The following ZNF324B variants were observed in gnomAD, a reference collection of about 807,000 sequenced individuals.
The protein encoded by ZNF324B is zinc finger protein 324B.
A neutral mutation model predicts 10.6 loss-of-function variants in ZNF324B; 7 were observed. That is an observed-to-expected ratio of 0.66 (90% CI 0.38 to 1.24). ZNF324B has a LOEUF of 1.24. ZNF324B is among the 50% of genes most tolerant of loss of function. The pLI is 0.02. For missense variants in ZNF324B, 640 were observed against 764.7 expected (o/e 0.84, Z 1.92); for synonymous variants, 316 against 321.0 (o/e 0.98, Z 0.17).
At chr19:58,435,203 G>A in the ZNF324B span, 2 of 1,604,358 alleles carry the variant, frequency 1.2e-6, no homozygotes, top group Non-Finnish European at 1.7e-6. Flanking sequence ...TCTACTCCAT[G>A]CCAAGAACCT....
At chr19:58,421,577 C>T in the ZNF324B span, among the ~76,000 whole-genome samples, 1 of 152,106 alleles carries the variant, frequency 6.6e-6, no homozygotes, top group Non-Finnish European at 1.5e-5. Flanking sequence ...GACAGCGTTT[C>T]ACCATGTTGG....
the ZNF324B span, among the ~76,000 whole-genome samples, chr19:58,422,492 A>G: frequency 1.3e-5 from 2 of 152,224 alleles, no homozygotes; most frequent in East Asian, 3.8e-4. Context: ...ACATGATCTT[A>G]TATTTAGAAA....
rs775880173 is a variant in ZNF324B, at chr19:58,453,743, G to T, written c.42G>T (p.Glu14Asp). 2.5e-6 allele frequency: 4 copies of T among 1,614,220 alleles called. No individual in the cohort carries two copies. In the Admixed American group the frequency reaches 6.7e-5, roughly 27 times the overall value. The change falls in exon 2 of 4, where the codon GAG becomes GAT. Residue 14 changes from glutamate to aspartate, a missense_variant. Glu to Asp is a conservative substitution (Grantham distance 45). Coordinates refer to ENST00000336614, the MANE Select transcript of ZNF324B (RefSeq NM_207395.3). ...EDVAVYFSQE[E>D]WGLLDTAQRA... is the part of the protein sequence containing the mutation. ...TGGCCGTGTACTTCTCCCAGGAGGA[G>T]TGGGGGCTCCTGGACACAGCGCAGA...
the ZNF324B span, chr19:58,430,029 C>A: frequency 2.0e-5 from 3 of 152,212 alleles, no homozygotes; most frequent in Non-Finnish European, 4.4e-5. Context: ...TGGGATCTCA[C>A]TTCTGTTATT....
rs893187 is a variant in ZNF324B, at chr19:58,451,651, C to A, written c.-60C>A. On this transcript the variant is annotated 5_prime_UTR_variant, in exon 1 of 4. Transcript: ENST00000336614. ...CTTGGCTGCTCGCGTCAGGCCACAC[C>A]GGTGGTCTGGGCTGTGGCGCGCGGG... 2 of 515,510 alleles carry A rather than the reference C, an allele frequency of 3.9e-6. No homozygotes were observed. The highest frequency in any genetic ancestry group is 1.4e-5 in the South Asian group (1 of 71,510). The allele number at this position is 515,510 out of a possible 1,614,324, so 31.9% of individuals were successfully genotyped here. A position where few individuals can be genotyped will look rare whatever the true frequency, so the allele number is the denominator to read the frequency against.
chr19:58,457,766 A>T lies in ZNF324B; in HGVS notation c.*1187A>T, dbSNP rs564877993. 7 of 152,146 alleles carry T rather than the reference A, an allele frequency of 4.6e-5. No individual in the cohort carries two copies. The East Asian group carries it at 1.4e-3, about 29-fold the overall frequency. 9.4% of individuals were successfully genotyped at this position (152,146 alleles called of 1,614,324 possible). ...CCTGAGACCTCACCTCCAAGAAATT[A>T]ATGGTCTTTTCAATGGAGAAAAAAA... On this transcript the variant is annotated 3_prime_UTR_variant, in exon 4 of 4. Transcript: ENST00000336614.
the ZNF324B span, chr19:58,437,855 G>C: frequency 2.1e-6 from 2 of 941,426 alleles, no homozygotes; most frequent in African/African-American, 3.5e-5. Flanking sequence ...TCAACCATCA[G>C]CTGCCCAGAA....
chr19:58,438,773 AT>A, the ZNF324B span, among the ~76,000 whole-genome samples: 474 of 106,206 alleles, frequency 4.5e-3, 1 homozygote, highest in Middle Eastern at 0.029. Context: ...ACGCCCGGCA[AT>A]TTTTTTTTTT....
At chr19:58,419,552 G>A in the ZNF324B span, among the ~76,000 whole-genome samples, 3 of 152,304 alleles carry the variant, frequency 2.0e-5, no homozygotes, top group South Asian at 2.1e-4. Flanking sequence ...CCTGTTATTT[G>A]TGTCAAGGTC....
chr19:58,453,929 G>T, intron 2 of ZNF324B, 107 bp downstream of exon 2: 1 of 1,483,178 alleles, frequency 6.7e-7, no homozygotes. Context: ...AGGGCCACGT[G>T]GAACAAGGGT....
chr19:58,434,866 G>A, the ZNF324B span: 2 of 1,614,216 alleles, frequency 1.2e-6, no homozygotes, highest in Non-Finnish European at 1.7e-6. Context: ...TTCCCTGCAA[G>A]TGAAGGGGTT....
rs771902558 is a variant in ZNF324B at position 58,454,531 on chromosome 19, A to C, written c.238+187A>C. 17 of 595,078 alleles carry C rather than the reference A, an allele frequency of 2.9e-5. No homozygotes were observed. In the South Asian group the frequency reaches 3.3e-4, roughly 12 times the overall value. The allele number at this position is 595,078 out of a possible 1,614,324, so 36.9% of individuals were successfully genotyped here. ...CCCTTGAAGGGAGAGCTCCAAGGGC[A>C]CAGGAGCTGGGTTCACACAGAAGGG... On this transcript the variant is annotated intron_variant, in intron 3 of 3. Coordinates refer to ENST00000336614, the MANE Select transcript of ZNF324B (RefSeq NM_207395.3).
At chr19:58,429,805 G>A in the ZNF324B span, 1 of 152,216 alleles carries the variant, frequency 6.6e-6, no homozygotes, top group African/African-American at 2.4e-5. Flanking sequence ...AATGGAAAAG[G>A]GAGTATAGTC....
chr19:58,442,278 C>G, the ZNF324B span: 1 of 149,620 alleles, frequency 6.7e-6, no homozygotes, highest in Non-Finnish European at 1.5e-5. Flanking sequence ...ACGCCATTCT[C>G]CTGCCTCAGC....
chr19:58,435,016 G>A, the ZNF324B span: 11 of 1,614,060 alleles, frequency 6.8e-6, no homozygotes, highest in Non-Finnish European at 9.3e-6. Flanking sequence ...TGCTCCACAT[G>A]TGTAGGGTTT....
the ZNF324B span, among the ~76,000 whole-genome samples, chr19:58,420,234 T>C: frequency 7.2e-5 from 11 of 151,958 alleles, no homozygotes; most frequent in Admixed American, 5.2e-4. Context: ...CTGGCTAACA[T>C]GGTGAAACCC....
chr19:58,432,767 CCATT>C, the ZNF324B span: 2 of 165,046 alleles, frequency 1.2e-5, no homozygotes, highest in Admixed American at 1.1e-4. Context: ...CCCAATCTAT[CCATT>C]CATTTTCTCA....
the ZNF324B span, chr19:58,435,783 A>T: frequency 2.0e-5 from 3 of 152,726 alleles, no homozygotes; most frequent in South Asian, 2.1e-4. Flanking sequence ...GAATTTTTTT[A>T]AAATTTGAGA....
the ZNF324B span, chr19:58,419,207 G>A: frequency 1.3e-5 from 2 of 152,116 alleles, no homozygotes; most frequent in Non-Finnish European, 2.9e-5. Flanking sequence ...ATATGTTTAT[G>A]GACATAAAAA....
Sources: allele counts gnomAD v4.1 joint callset (sites outside exome capture counted in the v4.1 genomes callset), GRCh38; gene constraint gnomAD v4.1.1; transcripts MANE v1.5; gene names NCBI Gene and HGNC (gene_info 2026-07-23, HGNC 2026-07-21).